Variants in PCDHGB1 observed in about 807,000 individuals in gnomAD.
PCDHGB1 encodes protocadherin gamma-B1.
A neutral mutation model predicts 56.6 loss-of-function variants in PCDHGB1; 34 were observed. That is an observed-to-expected ratio of 0.60 (90% CI 0.46 to 0.80). PCDHGB1 has a LOEUF of 0.80. PCDHGB1 is among the 30% of genes least tolerant of loss of function. The probability of loss-of-function intolerance (pLI) is 0.00; values close to 1 mark genes in which losing one functional copy is unlikely to be tolerated. For missense variants in PCDHGB1, 1,278 were observed against 1,204.6 expected (o/e 1.06, Z -0.90); for synonymous variants, 561 against 505.9 (o/e 1.11, Z -1.46).
intron 1 of PCDHGB1, chr5:141,414,260 A>G: frequency 6.2e-7 from 1 of 1,613,444 alleles, no homozygotes; most frequent in Non-Finnish European, 8.5e-7. Context: ...CCAGTGACTG[A>G]AGATTCACCT....
chr5:141,376,730 A>T (rs1773298181), intron 1 of PCDHGB1: 1 of 526,912 alleles, frequency 1.9e-6, no homozygotes, highest in Admixed American at 4.2e-5. Flanking sequence ...CCCAGGCCGG[A>T]CTGCGGACTG....
At chr5:141,414,167 A>T (rs2095716553) in intron 1 of PCDHGB1, 3 of 1,605,526 alleles carry the variant, frequency 1.9e-6, no homozygotes, top group Non-Finnish European at 2.6e-6. Flanking sequence ...GGAGGAGCAT[A>T]TCTTGCAACT....
At chr5:141,415,638 T>G in intron 1 of PCDHGB1, 1 of 1,598,954 alleles carries the variant, frequency 6.3e-7, no homozygotes, top group Non-Finnish European at 8.5e-7. Flanking sequence ...TTTTTACTTT[T>G]GTTAAAAAAA....
chr5:141,481,730 G>A (rs778885944), intron 1 of PCDHGB1, among the ~76,000 whole-genome samples: 1 of 151,952 alleles, frequency 6.6e-6, no homozygotes, highest in African/African-American at 2.4e-5. Context: ...GAGGCGGGCG[G>A]ATCACGAGGT....
chr5:141,396,720 C>T (rs1432240411), intron 1 of PCDHGB1: 1 of 151,964 alleles, frequency 6.6e-6, no homozygotes, highest in Non-Finnish European at 1.5e-5. Flanking sequence ...AAGCTAATAC[C>T]TGAATTGATT....
chr5:141,489,375 G>T lies in PCDHGB1; in HGVS notation c.2410-5432G>T. 6.2e-7 allele frequency: 1 copy of T among 1,613,826 alleles called. No homozygotes were observed. Among genetic ancestry groups the T allele is most frequent in the Non-Finnish European group, 8.5e-7 (1 of 1,179,724 alleles). On this transcript the variant is annotated intron_variant, in intron 1 of 3. Transcript: ENST00000523390. This position sits in a 1 kb window ranked among gnomAD's most constrained non-coding sequence, Gnocchi z 4.5. ...AGGAGTCTGAGCCGGGGACGCTGGT[G>T]GGGAATGTTGCTCAGGATCTGGGCT...
chr5:141,406,553 C>T (rs990498102), intron 1 of PCDHGB1, among the ~76,000 whole-genome samples: 1 of 152,150 alleles, frequency 6.6e-6, no homozygotes, highest in African/African-American at 2.4e-5. Flanking sequence ...CTTCAGTTAT[C>T]CACTTCCAAA....
In PCDHGB1 at chr5:141,356,956, T is replaced by C; in HGVS notation, c.2409+4287T>C. 6 of 1,614,202 alleles carry C rather than the reference T, an allele frequency of 3.7e-6. No homozygotes were observed. The African/African-American group carries it at 4.0e-5, about 11-fold the overall frequency. Reference sequence around the variant, plus strand: ...GGCACCCCGCTCCGCAGATTCCGGCTACCTGGTGACCAAAGTGGTGGCAGT... The same window carrying C: ...GGCACCCCGCTCCGCAGATTCCGGCCACCTGGTGACCAAAGTGGTGGCAGT... On this transcript the variant is annotated intron_variant, in intron 1 of 3. Transcript: ENST00000523390.
intron 1 of PCDHGB1, chr5:141,414,573 A>G: frequency 6.2e-7 from 1 of 1,613,920 alleles, no homozygotes; most frequent in African/African-American, 1.3e-5. Context: ...CCTATATCCC[A>G]GAGAACAACG....
chr5:141,486,645 C>T lies in PCDHGB1; in HGVS notation c.2410-8162C>T, dbSNP rs369948556. ...GACTCTGGCTTGAATGCGCTTATCT[C>T]CTACTCACTCCTGGAGCCCAGGAAT... On this transcript the variant is annotated intron_variant, in intron 1 of 3. Coordinates refer to ENST00000523390, the MANE Select transcript of PCDHGB1 (RefSeq NM_018922.3). This position sits in a 1 kb window ranked among gnomAD's most constrained non-coding sequence, Gnocchi z 5.0. 1.9e-6 allele frequency: 3 copies of T among 1,613,752 alleles called. No individual in the cohort carries two copies. The highest frequency in any genetic ancestry group is 2.2e-5 in the East Asian group (1 of 44,896).
At chr5:141,496,172 T>C (rs942740022) in intron 2 of PCDHGB1, among the ~76,000 whole-genome samples, 1 of 151,672 alleles carries the variant, frequency 6.6e-6, no homozygotes, top group Non-Finnish European at 1.5e-5. Context: ...CACCCTCCCA[T>C]CCAAGCAGCC....
chr5:141,394,481 T>C lies in PCDHGB1; in HGVS notation c.2409+41812T>C, dbSNP rs766569646. The C allele has an allele frequency of 4.3e-6, 7 of 1,614,088 alleles. No individual in the cohort carries two copies. The East Asian group carries it at 6.7e-5, about 15-fold the overall frequency. ...TGAGCCTGTTCGTGCTGGACCAGAATGACAACGCGCCCGAGATCCTGTACC... is the reference window on the plus strand; with the variant it reads ...TGAGCCTGTTCGTGCTGGACCAGAACGACAACGCGCCCGAGATCCTGTACC... On this transcript the variant is annotated intron_variant, in intron 1 of 3. Transcript: ENST00000523390.
Position 141,431,585 on chromosome 5 carries a change from G to A in PCDHGB1, c.2410-63222G>A. 6.2e-7 allele frequency: 1 copy of A among 1,614,204 alleles called. No individual in the cohort carries two copies. The highest frequency in any genetic ancestry group is 1.6e-4 in the Middle Eastern group (1 of 6,062). On this transcript the variant is annotated intron_variant, in intron 1 of 3. Transcript: ENST00000523390. This position sits in a 1 kb window ranked among gnomAD's most constrained non-coding sequence, Gnocchi z 4.8. ...CGACCCTGACGAAGGAGTCAATGCG[G>A]AAGTGAGGTATTCCTTCCGGTATGT...
chr5:141,418,413 A>T, intron 1 of PCDHGB1: 1 of 1,614,048 alleles, frequency 6.2e-7, no homozygotes, highest in Non-Finnish European at 8.5e-7. Flanking sequence ...GAGAAAGACA[A>T]TCCTGATGGT....
intron 1 of PCDHGB1, chr5:141,478,925 G>T: frequency 1.4e-6 from 1 of 700,562 alleles, no homozygotes; most frequent in Non-Finnish European, 2.2e-6. Context: ...TCTAACCAGT[G>T]GCAGCTTCTA....
intron 1 of PCDHGB1, among the ~76,000 whole-genome samples, chr5:141,483,203 A>G (rs940487337): frequency 6.6e-6 from 1 of 152,204 alleles, no homozygotes; most frequent in Admixed American, 6.5e-5. Flanking sequence ...ATTTTATTCC[A>G]TATAGATGAC....
In PCDHGB1 at chr5:141,433,401, A is replaced by ATCTC. The variant is rs1554126038; in HGVS notation, c.2410-61403_2410-61402insCTCT. On this transcript the variant is annotated intron_variant, in intron 1 of 3. Transcript: ENST00000523390. ...TATCTATCTATCTATCTATCTATCT[A>ATCTC]TCTATTACTTTCTTGTACAGACAGG... Among the ~76,000 whole-genome samples, 677 of 150,598 alleles carry ATCTC rather than the reference A, an allele frequency of 4.5e-3. 6 individuals are homozygous for ATCTC. Among genetic ancestry groups the ATCTC allele is most frequent in the African/African-American group, 0.015 (630 of 40,958 alleles).
intron 3 of PCDHGB1, among the ~76,000 whole-genome samples, chr5:141,507,571 G>A (rs2099861692): frequency 6.6e-6 from 1 of 152,254 alleles, no homozygotes; most frequent in Non-Finnish European, 1.5e-5. Flanking sequence ...TGGGTCTGAG[G>A]AGATGCCAAG....
chr5:141,473,033 GGAAA>G (rs1282468299), intron 1 of PCDHGB1, among the ~76,000 whole-genome samples: 6 of 146,356 alleles, frequency 4.1e-5, no homozygotes, highest in South Asian at 2.2e-4. Flanking sequence ...AAGGAAGGAA[GGAAA>G]GAAAGAAAGA....
Sources: gnomAD v4.1 joint callset for allele counts (sites outside exome capture counted in the v4.1 genomes callset) on GRCh38, gnomAD v4.1.1 for gene constraint, Gnocchi (gnomAD v3.1) non-coding constraint, MANE v1.5 for transcripts, NCBI Gene and HGNC (gene_info 2026-07-23, HGNC 2026-07-21) for gene names.